The following CALN1 variants were observed in gnomAD, a reference collection of about 807,000 sequenced individuals.
The protein encoded by CALN1 is calneuron 1.
CALN1 carries 17 observed loss-of-function variants against 30.6 expected under a neutral mutation model. The observed-to-expected ratio is 0.56, with a 90% CI of 0.38 to 0.83. CALN1 has a LOEUF of 0.83. CALN1 is among the 40% of genes least tolerant of loss of function. CALN1 has a pLI of 0.00. For synonymous variants in CALN1, 156 were observed against 131.4 expected (o/e 1.19, Z -1.28); for missense variants, 291 against 354.9 (o/e 0.82, Z 1.45).
intron 5 of CALN1, among the ~76,000 whole-genome samples, chr7:71,885,844 G>C (rs533009215): frequency 1.5e-4 from 23 of 152,220 alleles, no homozygotes; most frequent in African/African-American, 4.8e-4. Flanking sequence ...TCCCCTCTTT[G>C]GGGAGAAATT....
At chr7:72,439,633 A>C (rs1808287378) in intron 1 of CALN1, among the ~76,000 whole-genome samples, 1 of 148,004 alleles carries the variant, frequency 6.8e-6, no homozygotes, top group South Asian at 2.2e-4. Context: ...GCTGGAGTGC[A>C]ATGGCGCAAT....
intron 3 of CALN1, among the ~76,000 whole-genome samples, chr7:72,223,710 T>C (rs141130070): frequency 7.2e-5 from 11 of 152,318 alleles, no homozygotes; most frequent in African/African-American, 2.6e-4. Context: ...GCATGTTTAT[T>C]GCAGCATTAT....
chr7:72,035,877 A>C (rs571127742), intron 4 of CALN1, among the ~76,000 whole-genome samples: 1 of 152,318 alleles, frequency 6.6e-6, no homozygotes, highest in East Asian at 1.9e-4. Flanking sequence ...AGAGTTACAA[A>C]CCAATGTTAC....
intron 4 of CALN1, among the ~76,000 whole-genome samples, chr7:72,074,904 A>G (rs78148283): frequency 6.6e-6 from 1 of 152,260 alleles, no homozygotes; most frequent in South Asian, 2.1e-4. Flanking sequence ...AGAAGTTAAT[A>G]GTCTCATGAG....
chr7:71,958,065 C>CA (rs56355838), intron 5 of CALN1, among the ~76,000 whole-genome samples: 2,356 of 93,734 alleles, frequency 0.025, 41 homozygotes, highest in South Asian at 0.066. Context: ...AACTCCATCT[C>CA]AAAAAAAAAA....
chr7:72,256,838 C>T (rs955742814), intron 3 of CALN1, among the ~76,000 whole-genome samples: 2 of 152,138 alleles, frequency 1.3e-5, no homozygotes, highest in African/African-American at 4.8e-5. Flanking sequence ...GCCCTATTCC[C>T]TTACTCCTTC....
upstream of CALN1, among the ~76,000 whole-genome samples, chr7:72,447,628 C>A (rs1001510111): frequency 2.0e-5 from 3 of 152,152 alleles, no homozygotes; most frequent in Non-Finnish European, 4.4e-5. Flanking sequence ...ATGTAAGCTG[C>A]ATGCACACAC....
chr7:71,841,555 ATGT>A (rs1449618396), intron 5 of CALN1, among the ~76,000 whole-genome samples: 2 of 152,230 alleles, frequency 1.3e-5, no homozygotes, highest in Non-Finnish European at 2.9e-5. Flanking sequence ...TCACACTTGT[ATGT>A]TCATTGCAGC....
intron 5 of CALN1, among the ~76,000 whole-genome samples, chr7:71,925,579 A>T (rs1178438772): frequency 6.6e-6 from 1 of 151,936 alleles, no homozygotes; most frequent in Non-Finnish European, 1.5e-5. Context: ...TTTTAAAAAT[A>T]ATTCATTTTT....
intron 1 of CALN1, among the ~76,000 whole-genome samples, chr7:72,440,836 C>A (rs1202210585): frequency 5.3e-5 from 8 of 152,014 alleles, no homozygotes; most frequent in Non-Finnish European, 1.2e-4. Flanking sequence ...CAAAAACAAA[C>A]AATAATAATA....
chr7:72,336,175 G>C (rs1458066630), intron 2 of CALN1, among the ~76,000 whole-genome samples: 1 of 152,078 alleles, frequency 6.6e-6, no homozygotes, highest in South Asian at 2.1e-4. Context: ...GTCAGCGCTA[G>C]GGGCCGGAGG....
the CALN1 span, among the ~76,000 whole-genome samples, chr7:72,458,222 TATATA>T: frequency 9.8e-6 from 1 of 102,512 alleles, no homozygotes; most frequent in African/African-American, 3.8e-5. Context: ...TATAATATAT[TATATA>T]ATATATTCTA....
chr7:72,022,818 G>T (rs1374214043), intron 5 of CALN1, among the ~76,000 whole-genome samples: 16 of 151,346 alleles, frequency 1.1e-4, no homozygotes. Flanking sequence ...ATGCAAGATG[G>T]GTACCTGAAT....
intron 4 of CALN1, among the ~76,000 whole-genome samples, chr7:72,077,089 T>C (rs1804799465): frequency 6.6e-6 from 1 of 152,076 alleles, no homozygotes; most frequent in East Asian, 1.9e-4. Flanking sequence ...TACCTAGTAG[T>C]AGTGGCATTG....
At chr7:72,363,453 G>A (rs748681598) in intron 2 of CALN1, among the ~76,000 whole-genome samples, 18 of 152,024 alleles carry the variant, frequency 1.2e-4, no homozygotes, top group Non-Finnish European at 2.4e-4. Context: ...TGGCCAGGCT[G>A]GTCTCAAACC....
intron 3 of CALN1, among the ~76,000 whole-genome samples, chr7:72,249,428 T>G (rs1256723457): frequency 6.6e-6 from 1 of 152,136 alleles, no homozygotes; most frequent in East Asian, 1.9e-4. Context: ...GATCACATGT[T>G]TAATGGCTGG....
At chr7:72,388,581 T>C (rs1805385605) in intron 2 of CALN1, among the ~76,000 whole-genome samples, 1 of 152,242 alleles carries the variant, frequency 6.6e-6, no homozygotes, top group Non-Finnish European at 1.5e-5. Context: ...CACTCTGTGC[T>C]ATCTTTGCAA....
chr7:72,397,439 T>TC (rs1247765222), intron 2 of CALN1, among the ~76,000 whole-genome samples: 2 of 152,090 alleles, frequency 1.3e-5, no homozygotes, highest in African/African-American at 4.8e-5. Context: ...TGTTGCCTGG[T>TC]CATCTCCATG....
chr7:72,253,198 T>C (rs1192622348), intron 3 of CALN1, among the ~76,000 whole-genome samples: 2 of 152,230 alleles, frequency 1.3e-5, no homozygotes, highest in Non-Finnish European at 2.9e-5. Flanking sequence ...TGCTTAGATA[T>C]TGCAGAAATG....
Sources: allele counts gnomAD v4.1 joint callset (sites outside exome capture counted in the v4.1 genomes callset), GRCh38; gene constraint gnomAD v4.1.1; transcripts MANE v1.5; gene names NCBI Gene and HGNC (gene_info 2026-07-23, HGNC 2026-07-21).